The following ARHGAP22 variants were observed in gnomAD, a reference collection of about 807,000 sequenced individuals.
ARHGAP22 encodes Rho GTPase activating protein 22, also known as rho GTPase-activating protein 22.
Under a neutral mutation model 59.1 loss-of-function variants are expected in ARHGAP22, and 48 were observed. The observed-to-expected ratio is 0.81, with a 90% CI of 0.64 to 1.03. The LOEUF is 1.03. ARHGAP22 is among the 50% of genes least tolerant of loss of function. The probability of loss-of-function intolerance (pLI) is 0.00; values close to 1 mark genes in which losing one functional copy is unlikely to be tolerated. For missense variants in ARHGAP22, 1,015 were observed against 958.7 expected (o/e 1.06, Z -0.78); for synonymous variants, 445 against 416.4 (o/e 1.07, Z -0.84).
At chr10:48,599,422 C>T (rs996512040) in intron 1 of ARHGAP22, among the ~76,000 whole-genome samples, 3 of 152,264 alleles carry the variant, frequency 2.0e-5, no homozygotes, top group East Asian at 3.9e-4. Context: ...GTGGTTGTTG[C>T]GATTATTAAG....
intron 9 of ARHGAP22, among the ~76,000 whole-genome samples, chr10:48,449,310 A>G (rs996577216): frequency 2.6e-5 from 4 of 152,002 alleles, no homozygotes; most frequent in Admixed American, 2.0e-4. Flanking sequence ...GACTTCCCCC[A>G]TGGCAGAGGC....
At position 48,450,943 on chromosome 10, in the gene ARHGAP22, G is replaced by C. The variant is rs954007301; in HGVS notation, c.1186C>G (p.Leu396Val). Residue 396 changes from leucine to valine, a missense_variant, in exon 9 of 10, where the codon CTG becomes GTG. Transcript: ENST00000249601. ...PGLPAHRTSS[L>V]DGAAVAVLSR... ...AGCACCGCCACGGCCGCCCCGTCCA[G>C]GGAAGAGGTCCTGTGCGCGGGCAGG... The C allele has an allele frequency of 6.3e-7, 1 of 1,585,812 alleles. No homozygotes were observed. Among genetic ancestry groups the C allele is most frequent in the Non-Finnish European group, 8.6e-7 (1 of 1,166,924 alleles).
At chr10:48,591,047 G>T (rs919658341) in intron 1 of ARHGAP22, among the ~76,000 whole-genome samples, 1 of 152,176 alleles carries the variant, frequency 6.6e-6, no homozygotes, top group African/African-American at 2.4e-5. Context: ...TGGCAGAGCC[G>T]GGATTCAAGC....
At chr10:48,599,897 T>G (rs2060282436) in intron 1 of ARHGAP22, among the ~76,000 whole-genome samples, 2 of 152,206 alleles carry the variant, frequency 1.3e-5, no homozygotes, top group Admixed American at 6.5e-5. Flanking sequence ...GGACAGGATC[T>G]GACAGCTTTG....
intron 4 of ARHGAP22, among the ~76,000 whole-genome samples, chr10:48,472,138 G>A (rs927663671): frequency 6.6e-6 from 1 of 150,632 alleles, no homozygotes; most frequent in Non-Finnish European, 1.5e-5. Context: ...ACCCGGGGGG[G>A]AAGAGGTTGC....
chr10:48,430,946 C>G, the ARHGAP22 span: 2 of 507,162 alleles, frequency 3.9e-6, no homozygotes, highest in Non-Finnish European at 7.0e-6. Flanking sequence ...CACTATCAAA[C>G]CAACTTCAGA....
chr10:48,446,768 G>A, intron 9 of ARHGAP22, 149 bp from the exon 10 acceptor site: 1 of 749,178 alleles, frequency 1.3e-6, no homozygotes, highest in East Asian at 2.7e-5. Flanking sequence ...CTCCTCACAA[G>A]AACCCCAGTA....
chr10:48,500,647 C>T (rs1016759591), intron 3 of ARHGAP22, among the ~76,000 whole-genome samples: 7 of 152,040 alleles, frequency 4.6e-5, no homozygotes, highest in Admixed American at 2.0e-4. Flanking sequence ...CAGCACTTTG[C>T]GAGGCTGAGG....
chr10:48,584,434 C>G (rs1172425219), intron 1 of ARHGAP22, among the ~76,000 whole-genome samples: 1 of 152,198 alleles, frequency 6.6e-6, no homozygotes, highest in Non-Finnish European at 1.5e-5. Flanking sequence ...ATGGAGGCTT[C>G]CTTCTGAATC....
the ARHGAP22 span, chr10:48,438,033 T>C: frequency 6.6e-6 from 1 of 152,282 alleles, no homozygotes; most frequent in African/African-American, 2.4e-5. Flanking sequence ...GCTAAACATA[T>C]GAAGACTTAA....
At chr10:48,487,248 GTGTTT>G (rs2049951462) in intron 3 of ARHGAP22, among the ~76,000 whole-genome samples, 1 of 152,026 alleles carries the variant, frequency 6.6e-6, no homozygotes, top group African/African-American at 2.4e-5. Flanking sequence ...TTTTCTCTGT[GTGTTT>G]TATCTTTGTA....
At chr10:48,550,859 C>T (rs534101657) in intron 3 of ARHGAP22, among the ~76,000 whole-genome samples, 1 of 152,318 alleles carries the variant, frequency 6.6e-6, no homozygotes, top group South Asian at 2.1e-4. Context: ...AGTCGTTGCT[C>T]ACTTGGTGAT....
chr10:48,479,819 C>G, intron 3 of ARHGAP22, 55 bp from the exon 4 acceptor site: 1 of 1,471,856 alleles, frequency 6.8e-7, no homozygotes, highest in Non-Finnish European at 9.0e-7. Context: ...AGCACACTCT[C>G]CACCGCCGGC....
At chr10:48,548,980 T>A (rs1190250486) in intron 3 of ARHGAP22, among the ~76,000 whole-genome samples, 3 of 152,208 alleles carry the variant, frequency 2.0e-5, no homozygotes, top group Non-Finnish European at 4.4e-5. Context: ...AGCAAGTTAC[T>A]TAGCTTGTCA....
At chr10:48,470,048 GAC>G (rs1463980210) in intron 4 of ARHGAP22, among the ~76,000 whole-genome samples, 3 of 152,200 alleles carry the variant, frequency 2.0e-5, no homozygotes, top group Admixed American at 2.0e-4. Flanking sequence ...GCTCAGCAGG[GAC>G]ACAGAGTCCA....
chr10:48,611,859 C>CCCTTCCCTTCCCTTCCCTTCCCTTCCCT, intron 1 of ARHGAP22, among the ~76,000 whole-genome samples: 1 of 15,396 alleles, frequency 6.5e-5, no homozygotes, highest in Non-Finnish European at 1.2e-4. Context: ...TTCCCTTCCC[C>CCCTTCCCTTCCCTTCCCTTCCCTTCCCT]TCCCCTCCCC....
intron 4 of ARHGAP22, among the ~76,000 whole-genome samples, chr10:48,470,671 C>G (rs980759140): frequency 6.6e-6 from 1 of 152,218 alleles, no homozygotes; most frequent in East Asian, 1.9e-4. Context: ...CAGAACTAGT[C>G]TCAAGTACCC....
intron 1 of ARHGAP22, among the ~76,000 whole-genome samples, chr10:48,648,389 G>T (rs1196875303): frequency 1.3e-5 from 2 of 152,138 alleles, no homozygotes; most frequent in Non-Finnish European, 2.9e-5. Context: ...TGATTAGTGT[G>T]GGACAGAGTT....
intron 3 of ARHGAP22, among the ~76,000 whole-genome samples, chr10:48,542,745 T>C (rs1564847310): frequency 6.6e-6 from 1 of 152,186 alleles, no homozygotes; most frequent in Non-Finnish European, 1.5e-5. Context: ...TTTGTGGGGA[T>C]GGGTCTGTTG....
Sources: gnomAD v4.1 joint callset for allele counts (sites outside exome capture counted in the v4.1 genomes callset) on GRCh38, gnomAD v4.1.1 for gene constraint, MANE v1.5 for transcripts, NCBI Gene and HGNC (gene_info 2026-07-23, HGNC 2026-07-21) for gene names.